DOCK7: variants seen among roughly 807,000 people sequenced by gnomAD.
DOCK7 encodes dedicator of cytokinesis protein 7.
DOCK7 carries 138 observed loss-of-function variants against 271.0 expected under a neutral mutation model. The observed-to-expected ratio is 0.51, with a 90% CI of 0.44 to 0.59. The LOEUF is 0.59. Ranked by LOEUF, DOCK7 falls within the 20% of genes least tolerant of loss-of-function variation. DOCK7 has a pLI of 0.00. For synonymous variants in DOCK7, 823 were observed against 876.1 expected (o/e 0.94, Z 1.07); for missense variants, 2,066 against 2,592.4 (o/e 0.80, Z 4.41).
At chr1:62,516,588 A>G (rs1400227675) in intron 31 of DOCK7, among the ~76,000 whole-genome samples, 1 of 152,174 alleles carries the variant, frequency 6.6e-6, no homozygotes, top group Non-Finnish European at 1.5e-5. Flanking sequence ...AGAGTTCTAC[A>G]TTTTCTAGGC....
At chr1:62,654,238 AT>A (rs937804650) in intron 2 of DOCK7, 79 bp from the exon 3 acceptor site, 8 of 1,332,192 alleles carry the variant, frequency 6.0e-6, no homozygotes, top group African/African-American at 4.4e-5. Flanking sequence ...GGCAAATAAC[AT>A]TTTTTTAAAT....
intron 14 of DOCK7, among the ~76,000 whole-genome samples, chr1:62,595,651 G>A (rs1324928485): frequency 2.6e-5 from 4 of 152,104 alleles, no homozygotes; most frequent in South Asian, 2.1e-4. Flanking sequence ...ATTTAGGGAC[G>A]AGCACAGTGG....
At chr1:62,468,701 T>C (rs1418892779) in intron 48 of DOCK7, among the ~76,000 whole-genome samples, 3 of 152,004 alleles carry the variant, frequency 2.0e-5, no homozygotes, top group African/African-American at 7.3e-5. Context: ...AACTGATAAA[T>C]ACATTCAGCA....
chr1:62,540,060 C>T (rs186002421), intron 25 of DOCK7, among the ~76,000 whole-genome samples, 168 bp from the exon 26 acceptor site: 1 of 151,632 alleles, frequency 6.6e-6, no homozygotes, highest in Admixed American at 6.6e-5. Context: ...TTTGTATTTG[C>T]TTAAAATAAA....
chr1:62,504,492 G>A, intron 37 of DOCK7, 138 bp downstream of exon 37: 3 of 925,620 alleles, frequency 3.2e-6, no homozygotes, highest in Non-Finnish European at 4.7e-6. Context: ...TACACAGAAT[G>A]AGAAATATCA....
chr1:62,566,337 A>G (rs573203376), intron 18 of DOCK7, among the ~76,000 whole-genome samples: 60 of 152,350 alleles, frequency 3.9e-4, no homozygotes, highest in African/African-American at 1.4e-3. Flanking sequence ...TGGTACTGGT[A>G]CCAAAACAGA....
intron 15 of DOCK7, 50 bp from the exon 16 acceptor site, chr1:62,583,304 G>A (rs892386936): frequency 6.8e-7 from 1 of 1,470,416 alleles, no homozygotes; most frequent in African/African-American, 1.4e-5. Flanking sequence ...AATGCTGGAT[G>A]TTTCATAACT....
At chr1:62,625,494 G>A (rs1432742958) in intron 11 of DOCK7, 93 bp from the exon 12 acceptor site, 2 of 1,273,602 alleles carry the variant, frequency 1.6e-6, no homozygotes, top group Non-Finnish European at 2.2e-6. Context: ...CTACTAAATT[G>A]AAAATTACCC....
chr1:62,496,621 T>G lies in DOCK7; in HGVS notation c.4765-124A>C, dbSNP rs561913301. On this transcript the variant is annotated intron_variant, in intron 37 of 49. Coordinates refer to ENST00000635253, the MANE Select transcript of DOCK7 (RefSeq NM_001367561.1). ...ATTCTAAGCAAAATATTTTTTAAAG[T>G]AATAAAATATGCATATCAAAATCTT... The G allele has an allele frequency of 1.4e-5, 12 of 846,400 alleles. No individual in the cohort carries two copies. The South Asian group carries it at 2.5e-4, about 17-fold the overall frequency. The allele number at this position is 846,400 out of a possible 1,614,324, so 52.4% of individuals were successfully genotyped here.
chr1:62,503,704 G>A (rs1646853417), intron 37 of DOCK7, among the ~76,000 whole-genome samples: 1 of 152,010 alleles, frequency 6.6e-6, no homozygotes, highest in South Asian at 2.1e-4. Flanking sequence ...GCCACCCAAA[G>A]TGTTGGGATT....
chr1:62,604,912 T>C, intron 14 of DOCK7: 1 of 1,334,720 alleles, frequency 7.5e-7, no homozygotes, highest in Non-Finnish European at 1.1e-6. Flanking sequence ...AAGAGAAAGC[T>C]TGAGAAATAG....
intron 15 of DOCK7, chr1:62,584,571 C>T: frequency 7.5e-6 from 9 of 1,195,438 alleles, no homozygotes; most frequent in Non-Finnish European, 9.4e-6. Flanking sequence ...CACAAAATAA[C>T]TTGTTTATTT....
At chr1:62,533,876 T>C (rs1319674533) in intron 29 of DOCK7, among the ~76,000 whole-genome samples, 1 of 152,144 alleles carries the variant, frequency 6.6e-6, no homozygotes, top group African/African-American at 2.4e-5. Flanking sequence ...GAGGCTAAAC[T>C]GCATTATAAA....
Position 62,505,704 on chromosome 1 carries a change from G to A in DOCK7, c.4589C>T (p.Thr1530Ile), listed in dbSNP as rs1557639381. The A allele has an allele frequency of 2.5e-6, 4 of 1,611,534 alleles. No homozygotes were observed. The highest frequency in any genetic ancestry group is 2.7e-5 in the African/African-American group (2 of 74,818). The change falls in exon 36 of 50, where the codon ACA becomes ATA. Residue 1530 changes from threonine (T) to isoleucine (I), a missense_variant. Around this residue, in one of 2 missense-constraint regions of DOCK7, gnomAD observed 652 missense variants for 922.1 expected, o/e 0.71. Transcript: ENST00000635253. Reference sequence around the variant, plus strand: ...TACCTTTGAAACCAAGGCTCTCTGTGTAGCAAAACAGTGTTGTAGATAAAC... The same window carrying A: ...TACCTTTGAAACCAAGGCTCTCTGTATAGCAAAACAGTGTTGTAGATAAAC... ...SAVYLQHCFA[T>I]QRALVSKFPE...
chr1:62,601,146 G>GA, intron 14 of DOCK7: 1 of 1,611,010 alleles, frequency 6.2e-7, no homozygotes. Flanking sequence ...AGAGCACCAA[G>GA]AACTACTCCC....
intron 2 of DOCK7, among the ~76,000 whole-genome samples, chr1:62,655,719 G>A (rs1206064221): frequency 6.6e-6 from 1 of 152,104 alleles, no homozygotes; most frequent in Non-Finnish European, 1.5e-5. Flanking sequence ...GAGCCACGGC[G>A]CCCAGCCTGG....
intron 21 of DOCK7, 123 bp from the exon 22 acceptor site, chr1:62,553,024 A>C (rs1240680907): frequency 1.5e-6 from 1 of 670,322 alleles, no homozygotes. Context: ...TTCTAAATAA[A>C]AAATATACTT....
At chr1:62,685,487 T>C (rs2149787074) in intron 1 of DOCK7, among the ~76,000 whole-genome samples, 1 of 152,318 alleles carries the variant, frequency 6.6e-6, no homozygotes, top group African/African-American at 2.4e-5. Flanking sequence ...TTGGTATTCC[T>C]TCCAAGTTAA....
In DOCK7 at chr1:62,688,291, C is replaced by A; in HGVS notation, c.-27G>T. ...GCTGCTGCGGCGACGGCGACGGCGG[C>A]GGCGGCTGCGGCGGGCCGGGTGCGG... On this transcript the variant is annotated 5_prime_UTR_variant, in exon 1 of 50. Transcript: ENST00000635253. 8.1e-7 allele frequency: 1 copy of A among 1,237,834 alleles called. No individual in the cohort carries two copies. Among genetic ancestry groups the A allele is most frequent in the Non-Finnish European group, 1.0e-6 (1 of 986,400 alleles). The allele number at this position is 1,237,834 out of a possible 1,614,324, so 76.7% of individuals were successfully genotyped here. A position where few individuals can be genotyped will look rare whatever the true frequency, so the allele number is the denominator to read the frequency against.
Sources: allele counts gnomAD v4.1 joint callset (sites outside exome capture counted in the v4.1 genomes callset), GRCh38; gene constraint gnomAD v4.1.1; regional missense constraint gnomAD v4.1.1; transcripts MANE v1.5; gene names NCBI Gene and HGNC (gene_info 2026-07-23, HGNC 2026-07-21).